Variants in CACNA2D3 observed in about 807,000 individuals in gnomAD.
CACNA2D3 encodes calcium voltage-gated channel auxiliary subunit alpha2delta 3.
A neutral mutation model predicts 160.6 loss-of-function variants in CACNA2D3; 60 were observed. The ratio of observed to expected loss-of-function variants is 0.37; its 90% CI spans 0.30 to 0.46. The LOEUF is 0.46. Ranked by LOEUF, CACNA2D3 falls within the 20% of genes least tolerant of loss-of-function variation. The pLI is 1.00. For synonymous variants in CACNA2D3, 558 were observed against 492.9 expected (o/e 1.13, Z -1.75); for missense variants, 1,205 against 1,365.0 (o/e 0.88, Z 1.85).
At chr3:54,591,379 C>G (rs1489695981) in intron 9 of CACNA2D3, among the ~76,000 whole-genome samples, 1 of 152,040 alleles carries the variant, frequency 6.6e-6, no homozygotes, top group Non-Finnish European at 1.5e-5. Context: ...TAGTCAGCAG[C>G]CTGGTTCAGG....
intron 13 of CACNA2D3, among the ~76,000 whole-genome samples, chr3:54,773,999 A>G (rs181575613): frequency 1.1e-4 from 16 of 152,230 alleles, no homozygotes; most frequent in Admixed American, 3.9e-4. Flanking sequence ...AACAGCCTCT[A>G]TCCTCTGCCA....
chr3:54,702,303 A>G (rs1250439435), intron 11 of CACNA2D3, among the ~76,000 whole-genome samples: 3 of 152,194 alleles, frequency 2.0e-5, no homozygotes, highest in Non-Finnish European at 4.4e-5. Flanking sequence ...AAAAGAAGTT[A>G]TCAACAAAGT....
At position 54,960,076 on chromosome 3, in the gene CACNA2D3, CAAAA is replaced by C. The variant is rs10716957; in HGVS notation, c.2450-8361_2450-8358del. Among the ~76,000 whole-genome samples the C allele has an allele frequency of 7.3e-5, 6 of 82,026 alleles. 1 individual carries two copies. Among genetic ancestry groups the C allele is most frequent in the African/African-American group, 1.6e-4 (5 of 31,776 alleles). 53.8% of individuals were successfully genotyped at this position (82,026 alleles called of 152,430 possible). A position where few individuals can be genotyped will look rare whatever the true frequency, so the allele number is the denominator to read the frequency against. ...ACAGTTCCGAGAAGCTCTGACAGGA[CAAAA>C]AAAAAAAAAAAACCAAAGTGATTAT... On this transcript the variant is annotated intron_variant, in intron 27 of 37. Transcript: ENST00000474759.
rs181647380 is a variant in CACNA2D3 at position 55,053,941 on chromosome 3, C to G, written c.2988-19504C>G. On this transcript the variant is annotated intron_variant, in intron 35 of 37. Transcript: ENST00000474759. ...CTGATATTATTGGCTTGAAATCTAG[C>G]ACTTTTCTAGTTGATTTCTGCTTGT... Among the ~76,000 whole-genome samples the G allele has an allele frequency of 3.3e-3, 500 of 151,970 alleles. 3 individuals are homozygous for G. The highest frequency in any genetic ancestry group is 0.012 in the African/African-American group (481 of 41,546).
At chr3:54,278,801 G>A (rs1274558122) in intron 2 of CACNA2D3, among the ~76,000 whole-genome samples, 2 of 152,026 alleles carry the variant, frequency 1.3e-5, no homozygotes, top group African/African-American at 2.4e-5. Flanking sequence ...ACCTGGACAC[G>A]GGGAGGGGAA....
chr3:54,247,205 G>T (rs549679235), intron 2 of CACNA2D3, among the ~76,000 whole-genome samples: 1 of 152,254 alleles, frequency 6.6e-6, no homozygotes, highest in Non-Finnish European at 1.5e-5. Context: ...AGTTACTCGG[G>T]AGGCTGAGGC....
chr3:54,244,000 C>T (rs772506562), intron 2 of CACNA2D3, among the ~76,000 whole-genome samples: 20 of 152,196 alleles, frequency 1.3e-4, no homozygotes, highest in Admixed American at 3.3e-4. Flanking sequence ...CTGCTCCCCC[C>T]GTCCTGTGCT....
intron 12 of CACNA2D3, among the ~76,000 whole-genome samples, chr3:54,753,094 C>A (rs530099398): frequency 4.9e-4 from 74 of 152,150 alleles, no homozygotes; most frequent in Non-Finnish European, 9.8e-4. Context: ...CTCCTGAGCT[C>A]AAGTGATCTG....
At chr3:54,991,883 A>C (rs1180336219) in intron 31 of CACNA2D3, among the ~76,000 whole-genome samples, 1 of 152,226 alleles carries the variant, frequency 6.6e-6, no homozygotes, top group Non-Finnish European at 1.5e-5. Flanking sequence ...CAAACAGGAG[A>C]TAAGAATACC....
At chr3:54,744,264 C>A (rs1701707045) in intron 11 of CACNA2D3, among the ~76,000 whole-genome samples, 1 of 152,170 alleles carries the variant, frequency 6.6e-6, no homozygotes, top group African/African-American at 2.4e-5. Flanking sequence ...GAGGGCCCAT[C>A]TTGATCATCC....
intron 27 of CACNA2D3, among the ~76,000 whole-genome samples, chr3:54,903,796 A>G (rs886237497): frequency 1.3e-5 from 2 of 152,138 alleles, no homozygotes; most frequent in Admixed American, 6.5e-5. Context: ...ATTTGCATTT[A>G]TCTAATGATC....
intron 3 of CACNA2D3, among the ~76,000 whole-genome samples, chr3:54,372,468 A>C (rs959277283): frequency 1.3e-5 from 2 of 152,158 alleles, no homozygotes. Context: ...AAACATTATG[A>C]GCCCCTAGAA....
intron 23 of CACNA2D3, among the ~76,000 whole-genome samples, chr3:54,887,375 T>C (rs780910682): frequency 1.1e-4 from 17 of 152,124 alleles, no homozygotes; most frequent in Middle Eastern, 3.4e-3. Flanking sequence ...TGTTGTGAGC[T>C]GAGATTGTAC....
intron 14 of CACNA2D3, among the ~76,000 whole-genome samples, chr3:54,833,745 A>G (rs940802708): frequency 4.6e-5 from 7 of 152,028 alleles, no homozygotes; most frequent in African/African-American, 1.7e-4. Context: ...ACCTGTGGGG[A>G]CTGGGAATGA....
intron 35 of CACNA2D3, among the ~76,000 whole-genome samples, chr3:55,021,820 A>G (rs1330553607): frequency 1.3e-5 from 2 of 151,618 alleles, no homozygotes; most frequent in African/African-American, 4.8e-5. Context: ...AAATGTCCAA[A>G]TATATGGGAG....
intron 11 of CACNA2D3, among the ~76,000 whole-genome samples, chr3:54,691,568 C>T (rs1002821587): frequency 5.9e-5 from 9 of 152,130 alleles, no homozygotes; most frequent in Non-Finnish European, 1.2e-4. Context: ...AAAAAGGTGC[C>T]GAAAGTATAT....
intron 11 of CACNA2D3, among the ~76,000 whole-genome samples, chr3:54,734,074 C>CTTCCTT (rs1227850669): frequency 1.9e-3 from 296 of 152,172 alleles, no homozygotes; most frequent in African/African-American, 6.5e-3. Context: ...GAAGATATCT[C>CTTCCTT]ATTCATAGGC....
At chr3:54,592,186 A>G (rs1369660727) in intron 9 of CACNA2D3, among the ~76,000 whole-genome samples, 2 of 152,010 alleles carry the variant, frequency 1.3e-5, no homozygotes, top group Non-Finnish European at 2.9e-5. Context: ...CCTTTGATAA[A>G]CTCCATTTAA....
chr3:54,920,425 T>C (rs1700809827), intron 27 of CACNA2D3, among the ~76,000 whole-genome samples: 2 of 152,144 alleles, frequency 1.3e-5, no homozygotes, highest in South Asian at 4.1e-4. Flanking sequence ...CAGAGTGTCT[T>C]GGGTTCCTCC....
Sources: allele counts gnomAD v4.1 joint callset (sites outside exome capture counted in the v4.1 genomes callset), GRCh38; gene constraint gnomAD v4.1.1; transcripts MANE v1.5; gene names NCBI Gene and HGNC (gene_info 2026-07-23, HGNC 2026-07-21).